Variants in NCKAP5 observed in about 807,000 individuals in gnomAD.
NCKAP5 encodes the protein NCK associated protein 5.
Under a neutral mutation model 167.0 loss-of-function variants are expected in NCKAP5, and 92 were observed. That is an observed-to-expected ratio of 0.55 (90% CI 0.47 to 0.66). The LOEUF is 0.66. Among genes scored for constraint, NCKAP5 ranks in the 30% least tolerant of loss-of-function variants. The pLI is 0.00. For missense variants in NCKAP5, 2,378 were observed against 2,315.0 expected, an observed-to-expected ratio of 1.03 and a Z score of -0.56; for synonymous variants, 891 against 877.4, an observed-to-expected ratio of 1.02 and a Z score of -0.27.
intron 3 of NCKAP5, among the ~76,000 whole-genome samples, chr2:133,467,807 T>C (rs936004735): frequency 2.2e-5 from 3 of 138,942 alleles, no homozygotes; most frequent in Non-Finnish European, 4.6e-5. Context: ...TAGAGGTGTT[T>C]GTAGTATTCT....
chr2:133,277,254 G>C (rs573781314), intron 4 of NCKAP5, among the ~76,000 whole-genome samples: 1 of 152,118 alleles, frequency 6.6e-6, no homozygotes, highest in Non-Finnish European at 1.5e-5. Context: ...ATTTGTAGAT[G>C]ACATGGTAGT....
intron 8 of NCKAP5, chr2:132,915,649 C>T (rs1387067431): frequency 1.3e-5 from 2 of 152,058 alleles, no homozygotes; most frequent in African/African-American, 4.8e-5. Flanking sequence ...GCTTTCAATC[C>T]AGGTTTGTGT....
intron 3 of NCKAP5, among the ~76,000 whole-genome samples, chr2:133,420,875 G>T (rs1219964159): frequency 6.6e-6 from 1 of 152,096 alleles, no homozygotes; most frequent in Admixed American, 6.5e-5. Context: ...AGCCTGCCTC[G>T]CCCCACTGCT....
chr2:133,315,032 G>A (rs944408994), intron 3 of NCKAP5, among the ~76,000 whole-genome samples: 1 of 152,150 alleles, frequency 6.6e-6, no homozygotes, highest in African/African-American at 2.4e-5. Flanking sequence ...GGAGGAGGGT[G>A]ATCATCACAG....
chr2:133,389,458 G>A (rs965023721), intron 3 of NCKAP5, among the ~76,000 whole-genome samples: 1 of 152,162 alleles, frequency 6.6e-6, no homozygotes, highest in Admixed American at 6.5e-5. Flanking sequence ...AAGGGATAAT[G>A]AGTAGCCTGA....
At chr2:132,758,523 G>T (rs924717529) in intron 16 of NCKAP5, among the ~76,000 whole-genome samples, 2 of 152,166 alleles carry the variant, frequency 1.3e-5, no homozygotes, top group Non-Finnish European at 2.9e-5. Context: ...GGAATCATCT[G>T]TGGGAGAACA....
At chr2:132,687,712 A>AACACACACACACACAC (rs3069016) in intron 19 of NCKAP5, among the ~76,000 whole-genome samples, 80 of 131,656 alleles carry the variant, frequency 6.1e-4, no homozygotes, top group African/African-American at 2.0e-3. Flanking sequence ...CACCTACCTA[A>AACACACACACACACAC]ACACACACAC....
At chr2:133,673,120 CAT>C in the NCKAP5 span, among the ~76,000 whole-genome samples, 1 of 152,212 alleles carries the variant, frequency 6.6e-6, no homozygotes, top group East Asian at 1.9e-4. Flanking sequence ...CAGAGCCCCA[CAT>C]GAGGTCACAG....
At chr2:133,443,650 C>A (rs918673381) in intron 3 of NCKAP5, among the ~76,000 whole-genome samples, 1 of 152,200 alleles carries the variant, frequency 6.6e-6, no homozygotes, top group Non-Finnish European at 1.5e-5. Flanking sequence ...TGAGCCCAAG[C>A]TTGAAGCATG....
At chr2:133,100,821 G>C (rs2081488697) in intron 6 of NCKAP5, among the ~76,000 whole-genome samples, 1 of 151,898 alleles carries the variant, frequency 6.6e-6, no homozygotes, top group Non-Finnish European at 1.5e-5. Flanking sequence ...GTACAGATGT[G>C]AGATTATAGT....
At chr2:132,904,014 C>T (rs185245770) in intron 8 of NCKAP5, among the ~76,000 whole-genome samples, 170 of 152,174 alleles carry the variant, frequency 1.1e-3, no homozygotes, top group African/African-American at 3.8e-3. Context: ...AATGGCCCGG[C>T]GCGGTGGCTC....
At chr2:133,523,609 T>C (rs1398969314) in intron 2 of NCKAP5, among the ~76,000 whole-genome samples, 4 of 152,232 alleles carry the variant, frequency 2.6e-5, no homozygotes, top group African/African-American at 7.2e-5. Context: ...TTCAATGAGA[T>C]AATGCCCCAG....
At chr2:133,520,291 CAA>C (rs2104767132) in intron 2 of NCKAP5, among the ~76,000 whole-genome samples, 1 of 152,302 alleles carries the variant, frequency 6.6e-6, no homozygotes, top group Admixed American at 6.5e-5. Flanking sequence ...GAGTTACAGG[CAA>C]AAACTACAGA....
intron 5 of NCKAP5, among the ~76,000 whole-genome samples, chr2:133,212,511 G>A (rs534443004): frequency 2.6e-5 from 4 of 152,124 alleles, no homozygotes; most frequent in Admixed American, 1.3e-4. Context: ...GCAATTATAG[G>A]TGCCCACCAC....
rs11448604 is a variant in NCKAP5, at chr2:133,474,800, G to GTT, written c.69+42656_69+42657dup. Among the ~76,000 whole-genome samples, 47 of 148,618 alleles carry GTT rather than the reference G, an allele frequency of 3.2e-4. No individual in the cohort carries two copies. In the South Asian group the frequency reaches 4.5e-3, roughly 14 times the overall value. On this transcript the variant is annotated intron_variant, in intron 3 of 19. Transcript: ENST00000409261. ...TTTCAATAGAAGCCAGAATTCTAGG[G>GTT]TTTTTTTTTTGTTGTTGTTGTTGTT...
At chr2:132,902,965 T>C (rs978605524) in intron 8 of NCKAP5, among the ~76,000 whole-genome samples, 1 of 152,194 alleles carries the variant, frequency 6.6e-6, no homozygotes, top group African/African-American at 2.4e-5. Context: ...CATCCACTTA[T>C]GTAGGTGTGA....
At chr2:133,430,312 A>C (rs1690076662) in intron 3 of NCKAP5, among the ~76,000 whole-genome samples, 1 of 152,046 alleles carries the variant, frequency 6.6e-6, no homozygotes. Flanking sequence ...ATTTTCTCCC[A>C]ATGTGTAGTT....
rs1690381076 is a variant in NCKAP5 at position 132,725,648 on chromosome 2, C to T, written c.5692G>A (p.Ala1898Thr). The T allele has an allele frequency of 6.2e-7, 1 of 1,611,446 alleles. No homozygotes were observed. The highest frequency in any genetic ancestry group is 8.5e-7 in the Non-Finnish European group (1 of 1,178,924). The change falls in exon 19 of 20, where the codon GCA (alanine) becomes ACA (threonine). Residue 1898 changes from alanine to threonine, a missense_variant. Physicochemically the swap from Ala to Thr is moderately conservative, Grantham distance 58. Coordinates refer to ENST00000409261, the MANE Select transcript of NCKAP5 (RefSeq NM_207363.3). ...FGAGRGQLVK[A>T]LKSAAPEIET... ...TTACCTGGGGCAGCGCTCTTCAGTG[C>T]TTTCACTAACTGTCCCCTTCCAGCT...
rs1256313438 is a variant in NCKAP5 at position 132,771,727 on chromosome 2, C to G, written c.5128+2089G>C. Among the ~76,000 whole-genome samples the G allele has an allele frequency of 2.0e-5, 3 of 151,516 alleles. No homozygotes were observed. The East Asian group carries it at 5.8e-4, about 30-fold the overall frequency. ...TCGCTCTGTCACCCAGGCTAGAGTG[C>G]ATTGGCATGATCTCGGCTCACTGCA... is the stretch of plus-strand genomic sequence containing the variant. On this transcript the variant is annotated intron_variant, in intron 16 of 19. Transcript: ENST00000409261.
Sources: allele counts gnomAD v4.1 joint callset (sites outside exome capture counted in the v4.1 genomes callset), GRCh38; gene constraint gnomAD v4.1.1; transcripts MANE v1.5; gene names NCBI Gene and HGNC (gene_info 2026-07-23, HGNC 2026-07-21).